Variants in DCAF8L2 observed in about 807,000 individuals in gnomAD.
DCAF8L2 encodes the protein DDB1 and CUL4 associated factor 8 like 2.
For missense variants in DCAF8L2, 430 were observed against 490.7 expected, an observed-to-expected ratio of 0.88 and a Z score of 1.17; for synonymous variants, 200 against 190.9, an observed-to-expected ratio of 1.05 and a Z score of -0.39.
chrX:27,547,413 C>A, the DCAF8L2 span, among the ~76,000 whole-genome samples: 12 of 112,075 alleles, frequency 1.1e-4, no homozygotes, highest in East Asian at 3.4e-3. Context: ...CCCCACCAGT[C>A]CCAATTTACT....
chrX:27,551,406 T>TG, the DCAF8L2 span, among the ~76,000 whole-genome samples: 4 of 111,037 alleles, frequency 3.6e-5, no homozygotes, highest in African/African-American at 1.3e-4. Context: ...GCATTTTAAT[T>TG]GAAGTATGTG....
At chrX:27,727,895 A>G (rs1932122969) in intron 4 of DCAF8L2, among the ~76,000 whole-genome samples, 1 of 111,539 alleles carries the variant, frequency 9.0e-6, no homozygotes, top group African/African-American at 3.3e-5. Context: ...ATTTATTTCT[A>G]GGCATTTGGC....
chrX:27,565,054 C>CATTATAT, the DCAF8L2 span, among the ~76,000 whole-genome samples: 1 of 109,060 alleles, frequency 9.2e-6, no homozygotes, highest in African/African-American at 3.3e-5. Context: ...TTTAACAATA[C>CATTATAT]ATTATATATT....
At chrX:27,729,926 A>G (rs1223249381) in intron 4 of DCAF8L2, among the ~76,000 whole-genome samples, 1 of 112,225 alleles carries the variant, frequency 8.9e-6, no homozygotes, top group Non-Finnish European at 1.9e-5. Flanking sequence ...TGGGTACTCA[A>G]AGTAAGAGGC....
the DCAF8L2 span, among the ~76,000 whole-genome samples, chrX:27,528,474 G>GTGTA: frequency 5.7e-5 from 2 of 34,969 alleles, no homozygotes; most frequent in South Asian, 3.3e-3. Context: ...TTATGTGTAT[G>GTGTA]TGTATATATA....
chrX:27,607,665 G>A (rs57107127), intron 1 of DCAF8L2, among the ~76,000 whole-genome samples: 2,745 of 111,787 alleles, frequency 0.025, 88 homozygotes, highest in African/African-American at 0.086. Context: ...TAACTCAGTG[G>A]ACGTTATCTT....
chrX:27,700,299 C>T (rs906842875), intron 3 of DCAF8L2, among the ~76,000 whole-genome samples: 6 of 108,832 alleles, frequency 5.5e-5, no homozygotes, highest in Non-Finnish European at 1.1e-4. Flanking sequence ...ATGAAACTAA[C>T]TGAAAAAGGA....
intron 2 of DCAF8L2, among the ~76,000 whole-genome samples, chrX:27,641,617 G>C (rs1928727496): frequency 9.1e-6 from 1 of 109,339 alleles, no homozygotes; most frequent in African/African-American, 3.3e-5. Context: ...GATTCCAGGT[G>C]TGTGCCAACA....
chrX:27,514,713 G>A, the DCAF8L2 span, among the ~76,000 whole-genome samples: 1 of 93,253 alleles, frequency 1.1e-5, no homozygotes, highest in East Asian at 3.4e-4. Context: ...AAAAAACAGA[G>A]TGAAATCCTG....
At chrX:27,536,003 A>G in the DCAF8L2 span, among the ~76,000 whole-genome samples, 2 of 111,852 alleles carry the variant, frequency 1.8e-5, no homozygotes, top group African/African-American at 6.5e-5. Context: ...GGACATATAT[A>G]ATTACTGATC....
At chrX:27,612,840 T>G (rs1189268438) in intron 1 of DCAF8L2, among the ~76,000 whole-genome samples, 1 of 112,010 alleles carries the variant, frequency 8.9e-6, no homozygotes, top group Non-Finnish European at 1.9e-5. Context: ...CATGCTGTTT[T>G]GGTTACTGTA....
chrX:27,609,975 A>G (rs1219993782), intron 1 of DCAF8L2, among the ~76,000 whole-genome samples: 2 of 112,015 alleles, frequency 1.8e-5, no homozygotes, highest in African/African-American at 6.5e-5. Context: ...ACACTCTGTT[A>G]CAATAAATCA....
the DCAF8L2 span, among the ~76,000 whole-genome samples, chrX:27,554,517 G>A: frequency 9.0e-6 from 1 of 111,685 alleles, no homozygotes; most frequent in Non-Finnish European, 1.9e-5. Context: ...TTGTACAAGC[G>A]GTCGTGCTAT....
At chrX:27,548,633 G>C in the DCAF8L2 span, among the ~76,000 whole-genome samples, 1 of 111,108 alleles carries the variant, frequency 9.0e-6, no homozygotes, top group African/African-American at 3.3e-5. Context: ...CAAAACAGAG[G>C]TACTGAACAG....
chrX:27,518,426 T>C, the DCAF8L2 span: 1 of 590,346 alleles, frequency 1.7e-6, no homozygotes, highest in Non-Finnish European at 2.9e-6. Context: ...AAATATATGG[T>C]GTCAACTATT....
intron 2 of DCAF8L2, among the ~76,000 whole-genome samples, chrX:27,646,032 CA>C (rs1403828434): frequency 9.0e-6 from 1 of 111,489 alleles, no homozygotes. Flanking sequence ...ATTAAGCTAC[CA>C]TTGATATTCT....
At chrX:27,519,223 C>T in the DCAF8L2 span, 11 of 1,027,462 alleles carry the variant, frequency 1.1e-5, no homozygotes, top group East Asian at 2.4e-4. Context: ...GATTGAAGAA[C>T]GGACAATTAA....
chrX:27,749,748 A>G lies in DCAF8L2; in HGVS notation c.*957A>G, dbSNP rs1922469020. 8.9e-6 allele frequency among the ~76,000 whole-genome samples: 1 copy of G among 112,265 alleles called. No homozygotes were observed. Reference sequence around the variant, plus strand: ...TTAACTTTTAAGAACAAGTTGCAATAAAGATTGTTTATACTTACACATAAC... The same window carrying G: ...TTAACTTTTAAGAACAAGTTGCAATGAAGATTGTTTATACTTACACATAAC... On this transcript the variant is annotated 3_prime_UTR_variant, in exon 5 of 5. Transcript: ENST00000451261.
At chrX:27,679,732 T>G (rs947353072) in intron 3 of DCAF8L2, among the ~76,000 whole-genome samples, 2 of 111,408 alleles carry the variant, frequency 1.8e-5, no homozygotes, top group African/African-American at 6.5e-5. Context: ...ATAGTAGGCT[T>G]GATTGCACAT....
Sources: allele counts gnomAD v4.1 joint callset (sites outside exome capture counted in the v4.1 genomes callset), GRCh38; gene constraint gnomAD v4.1.1; transcripts MANE v1.5; gene names NCBI Gene and HGNC (gene_info 2026-07-23, HGNC 2026-07-21).